Variants in PCDHA12 observed in about 807,000 individuals in gnomAD.
PCDHA12 encodes the protein protocadherin alpha 12.
PCDHA12 carries 44 observed loss-of-function variants against 60.0 expected under a neutral mutation model. That is an observed-to-expected ratio of 0.73 (90% confidence interval 0.58 to 0.94). PCDHA12 has a LOEUF of 0.94. Among genes scored for constraint, PCDHA12 ranks in the 40% least tolerant of loss-of-function variants. PCDHA12 has a pLI of 0.00. For synonymous variants in PCDHA12, 569 were observed against 553.0 expected, an observed-to-expected ratio of 1.03 and a Z score of -0.40; for missense variants, 1,276 against 1,239.7, an observed-to-expected ratio of 1.03 and a Z score of -0.44.
chr5:140,878,351 A>C (rs2057557275), intron 1 of PCDHA12, among the ~76,000 whole-genome samples: 1 of 152,248 alleles, frequency 6.6e-6, no homozygotes, highest in South Asian at 2.1e-4. Flanking sequence ...ACAATAATAT[A>C]AATGATATGT....
At chr5:140,886,155 T>A (rs528104847) in intron 1 of PCDHA12, among the ~76,000 whole-genome samples, 1 of 152,330 alleles carries the variant, frequency 6.6e-6, no homozygotes, top group South Asian at 2.1e-4. Flanking sequence ...CACCTTTTTA[T>A]AGCCACATCT....
chr5:140,981,864 T>C (rs1554243477), intron 2 of PCDHA12, among the ~76,000 whole-genome samples: 3 of 152,294 alleles, frequency 2.0e-5, no homozygotes, highest in African/African-American at 7.2e-5. Context: ...CCCAGCAATG[T>C]TTTATGCTGA....
At chr5:140,973,068 G>T (rs1563422416) in intron 1 of PCDHA12, among the ~76,000 whole-genome samples, 1 of 152,140 alleles carries the variant, frequency 6.6e-6, no homozygotes, top group Non-Finnish European at 1.5e-5. Context: ...CAGTGTCTCA[G>T]TGGGCCCAGC....
At chr5:140,957,781 TTCA>T (rs2095383587) in intron 1 of PCDHA12, among the ~76,000 whole-genome samples, 1 of 152,072 alleles carries the variant, frequency 6.6e-6, no homozygotes, top group African/African-American at 2.4e-5. Context: ...AAAAACTAAG[TTCA>T]TCATATATGT....
rs1563652468 is a variant in PCDHA12, at chr5:141,000,419, A to ATTT, written c.2516-9207_2516-9206insTTT. 1.8e-3 allele frequency among the ~76,000 whole-genome samples: 107 copies of ATTT among 60,980 alleles called. 1 individual carries two copies. The highest frequency in any genetic ancestry group is 3.1e-3 in the African/African-American group (41 of 13,160). 40.0% of individuals were successfully genotyped at this position (60,980 alleles called of 152,430 possible). ...TCTATATATATATATATATATATAT[A>ATTT]TATTTTTTTTTTTTTTTTTTTTTTT... On this transcript the variant is annotated intron_variant, in intron 3 of 3. Transcript: ENST00000398631.
chr5:140,973,894 G>A (rs1161980569), intron 1 of PCDHA12, among the ~76,000 whole-genome samples: 1 of 152,194 alleles, frequency 6.6e-6, no homozygotes, highest in African/African-American at 2.4e-5. Flanking sequence ...ATTTGCAAAT[G>A]TTTGAGGAAA....
intron 1 of PCDHA12, among the ~76,000 whole-genome samples, chr5:140,937,469 T>C (rs1322050073): frequency 6.6e-6 from 1 of 152,210 alleles, no homozygotes; most frequent in Non-Finnish European, 1.5e-5. Flanking sequence ...ATACAAAAAT[T>C]AGCTGGACAT....
At chr5:140,999,321 A>G (rs1043394227) in intron 3 of PCDHA12, among the ~76,000 whole-genome samples, 32 of 152,198 alleles carry the variant, frequency 2.1e-4, no homozygotes, top group Non-Finnish European at 3.2e-4. Context: ...ACAGACATTG[A>G]TCTGTGTGAT....
intron 1 of PCDHA12, among the ~76,000 whole-genome samples, chr5:140,975,044 G>A (rs115613317): frequency 0.045 from 6,815 of 152,244 alleles, 210 homozygotes; most frequent in Non-Finnish European, 0.062. Flanking sequence ...AGGCTCTTAG[G>A]AAGAATCTAC....
intron 1 of PCDHA12, among the ~76,000 whole-genome samples, chr5:140,976,735 T>G (rs1412647375): frequency 1.3e-5 from 2 of 152,160 alleles, no homozygotes; most frequent in Non-Finnish European, 2.9e-5. Flanking sequence ...TTAAACACAT[T>G]TTAAAAACCT....
intron 1 of PCDHA12, among the ~76,000 whole-genome samples, chr5:140,954,191 G>C (rs201162017): frequency 2.0e-5 from 3 of 152,150 alleles, no homozygotes; most frequent in Non-Finnish European, 4.4e-5. Flanking sequence ...TCATTGATGG[G>C]CATTTGGGTT....
chr5:141,006,069 C>T (rs1588119997), intron 3 of PCDHA12, among the ~76,000 whole-genome samples: 1 of 148,482 alleles, frequency 6.7e-6, no homozygotes, highest in African/African-American at 2.5e-5. Flanking sequence ...AAATAAAAAT[C>T]AGATTATTGA....
At chr5:140,968,947 C>T (rs1342316299) in intron 1 of PCDHA12, 6 of 1,614,042 alleles carry the variant, frequency 3.7e-6, no homozygotes, top group Non-Finnish European at 5.1e-6. Context: ...TCATTTTGAG[C>T]ATCATCAAGT....
chr5:140,966,281 G>T, intron 1 of PCDHA12: 1 of 366,828 alleles, frequency 2.7e-6, no homozygotes, highest in Non-Finnish European at 4.8e-6. Context: ...TGGACAGTGG[G>T]GGTAGGGAGA....
At chr5:140,927,343 G>T (rs2084109180) in intron 1 of PCDHA12, 2 of 1,614,016 alleles carry the variant, frequency 1.2e-6, no homozygotes, top group East Asian at 4.5e-5. Flanking sequence ...TGCCCAAGAT[G>T]ACGACGAGGG....
intron 1 of PCDHA12, among the ~76,000 whole-genome samples, chr5:140,973,030 C>G (rs1274875201): frequency 1.3e-5 from 2 of 152,014 alleles, no homozygotes; most frequent in African/African-American, 4.8e-5. Context: ...TAATGAGTCA[C>G]TTTGAGTACT....
intron 3 of PCDHA12, among the ~76,000 whole-genome samples, chr5:140,995,529 C>T (rs1191657600): frequency 6.6e-6 from 1 of 152,078 alleles, no homozygotes. Context: ...GAAATCAAAC[C>T]TCAAATAAGG....
At chr5:140,915,083 C>T in intron 1 of PCDHA12, among the ~76,000 whole-genome samples, 1 of 151,628 alleles carries the variant, frequency 6.6e-6, no homozygotes, top group East Asian at 1.9e-4. Flanking sequence ...GTAGCTGGGA[C>T]TATGGGCACG....
intron 1 of PCDHA12, chr5:140,882,698 G>C: frequency 1.2e-6 from 2 of 1,614,200 alleles, no homozygotes; most frequent in Non-Finnish European, 1.7e-6. Flanking sequence ...AATCATTGCA[G>C]AATCTAGACC....
Sources: allele counts gnomAD v4.1 joint callset (sites outside exome capture counted in the v4.1 genomes callset), GRCh38; gene constraint gnomAD v4.1.1; transcripts MANE v1.5; gene names NCBI Gene and HGNC (gene_info 2026-07-23, HGNC 2026-07-21).